Variants in ADAP1 observed in about 807,000 individuals in gnomAD.
The protein encoded by ADAP1 is arf-GAP with dual PH domain-containing protein 1.
In ADAP1, 31 loss-of-function variants were observed where a neutral mutation model predicts 54.9. The observed-to-expected ratio is 0.56, with a 90% confidence interval of 0.42 to 0.76. The LOEUF is 0.76. ADAP1 is among the 30% of genes least tolerant of loss of function. The probability of loss-of-function intolerance (pLI) is 0.00; values close to 1 mark genes in which losing one functional copy is unlikely to be tolerated. For synonymous variants in ADAP1, 313 were observed against 202.6 expected, an observed-to-expected ratio of 1.55 and a Z score of -4.63; for missense variants, 535 against 512.4, an observed-to-expected ratio of 1.04 and a Z score of -0.42.
chr7:898,326 G>GC lies in ADAP1; in HGVS notation c.*594dup. 1 of 165,910 alleles carries GC rather than the reference G, an allele frequency of 6.0e-6. No homozygotes were observed. The highest frequency in any genetic ancestry group is 1.3e-5 in the Non-Finnish European group (1 of 75,602). The allele number at this position is 165,910 out of a possible 1,614,324, so 10.3% of individuals were successfully genotyped here. On this transcript the variant is annotated 3_prime_UTR_variant, in exon 11 of 11. Coordinates refer to ENST00000265846, the MANE Select transcript of ADAP1 (RefSeq NM_006869.4). ...CGTGTGGTGGGACGGCAGCCTGCTGGCCCCTCCAGGTGAGGACCAGGAGCA... is the reference window on the plus strand; with the variant it reads ...CGTGTGGTGGGACGGCAGCCTGCTGGCCCCCTCCAGGTGAGGACCAGGAGCA...
chr7:913,192 CCCTT>C (rs1468584106), intron 4 of ADAP1, among the ~76,000 whole-genome samples: 4 of 140,004 alleles, frequency 2.9e-5, no homozygotes, highest in South Asian at 2.2e-4. Context: ...TGGCCTCCTC[CCCTT>C]CCTTTTTTTT....
In ADAP1 at chr7:915,839, C is replaced by T. The variant is rs548639560; in HGVS notation, c.388+4129G>A. ...CTGCCGACGAGACGCTGTCTGCCAC[C>T]CGCCTGCAGAACCCAGAACCCGCGC... is the stretch of plus-strand genomic sequence containing the variant. On this transcript the variant is annotated intron_variant, in intron 4 of 10. Coordinates refer to ENST00000265846, the MANE Select transcript of ADAP1 (RefSeq NM_006869.4). Among the ~76,000 whole-genome samples the T allele has an allele frequency of 5.7e-3, 868 of 152,182 alleles. 6 individuals are homozygous for T. Among genetic ancestry groups the T allele is most frequent in the Middle Eastern group, 0.044 (13 of 294 alleles).
rs1313246974 is a variant in ADAP1 at position 920,402 on chromosome 7, C to T, written c.306-352G>A. Among the ~76,000 whole-genome samples, 2 of 151,968 alleles carry T rather than the reference C, an allele frequency of 1.3e-5. No homozygotes were observed. The highest frequency in any genetic ancestry group is 1.9e-4 in the East Asian group (1 of 5,152). ...CTGGGGTACAGGGGTTGAGCCAGGC[C>T]CCCCCACCCCGAGTCACACGCCCCT... On this transcript the variant is annotated intron_variant, in intron 3 of 10. Coordinates refer to ENST00000265846, the MANE Select transcript of ADAP1 (RefSeq NM_006869.4). The surrounding 1 kb of genome is among the most constrained non-coding windows in gnomAD (Gnocchi z 4.5).
At position 910,268 on chromosome 7, in the gene ADAP1, G is replaced by A. The variant is rs1315196154; in HGVS notation, c.389-5096C>T. 2.0e-5 allele frequency among the ~76,000 whole-genome samples: 3 copies of A among 151,732 alleles called. 1 individual carries two copies. The highest frequency in any genetic ancestry group is 1.9e-4 in the East Asian group (1 of 5,170). On this transcript the variant is annotated intron_variant, in intron 4 of 10. Coordinates refer to ENST00000265846, the MANE Select transcript of ADAP1 (RefSeq NM_006869.4). ...ACATAAAGCCCACACCCGTTTACGA[G>A]GCTTTTTTTTTTTTTTCCCCACCCA...
Position 899,172 on chromosome 7 carries a change from G to A in ADAP1, c.957C>T (p.His319=). 1 of 1,612,038 alleles carries A rather than the reference G, an allele frequency of 6.2e-7. No homozygotes were observed. Among genetic ancestry groups the A allele is most frequent in the Non-Finnish European group, 8.5e-7 (1 of 1,179,974 alleles). ...CGATGGTGATGCCATGTGGCCAGTGGTGGCCCTGGGTGGACGGCGGGAACC... is the reference window on the plus strand; with the variant it reads ...CGATGGTGATGCCATGTGGCCAGTGATGGCCCTGGGTGGACGGCGGGAACC... The part of the protein sequence containing the change: ...LHGFPPSTQG[H]HWPHGITIVT... Residue 319 remains histidine (H), a synonymous_variant, in exon 10 of 11, where the codon CAC becomes CAT. Coordinates refer to ENST00000265846, the MANE Select transcript of ADAP1 (RefSeq NM_006869.4).
At chr7:921,855 G>C (rs895595919) in intron 3 of ADAP1, among the ~76,000 whole-genome samples, 1 of 152,198 alleles carries the variant, frequency 6.6e-6, no homozygotes, top group African/African-American at 2.4e-5. Context: ...TGCCAGGGAC[G>C]GCTTTGACAA....
chr7:900,883 A>AGGGCC (rs768360845), intron 6 of ADAP1: 6,450 of 393,372 alleles, frequency 0.016, 65 homozygotes, highest in East Asian at 0.074. Context: ...GAAGGGCCGA[A>AGGGCC]GGGCCGGGCC....
intron 2 of ADAP1, chr7:927,230 G>C: frequency 1.6e-6 from 2 of 1,267,808 alleles, no homozygotes; most frequent in Non-Finnish European, 2.1e-6. Flanking sequence ...CGCCGTGAAG[G>C]AGGGGAGGTG....
rs1456926809 is a variant in ADAP1 at position 926,611 on chromosome 7, C to T, written c.247G>A (p.Ala83Thr). The change falls in exon 3 of 11, where the codon GCC becomes ACC. Residue 83 changes from alanine (A) to threonine (T), a missense_variant. Physicochemically the swap from Ala to Thr is moderately conservative, Grantham distance 58. Coordinates refer to ENST00000265846, the MANE Select transcript of ADAP1 (RefSeq NM_006869.4). This position sits in a 1 kb window ranked among gnomAD's most constrained non-coding sequence, Gnocchi z 4.6. Reference sequence around the variant, plus strand: ...GAGGGTACTTTGGACTCAAACCTGGCTCTCGCGGCGTCGTTCCCGTGGGAG... The same window carrying T: ...GAGGGTACTTTGGACTCAAACCTGGTTCTCGCGGCGTCGTTCCCGTGGGAG... ...MASHGNDAAR[A>T]RFESKVPSFY... 2.6e-6 allele frequency: 4 copies of T among 1,545,716 alleles called. No individual in the cohort carries two copies. The highest frequency in any genetic ancestry group is 2.6e-6 in the Non-Finnish European group (3 of 1,145,388).
chr7:943,332 G>C (rs867726636), intron 1 of ADAP1, among the ~76,000 whole-genome samples: 20 of 13,888 alleles, frequency 1.4e-3, no homozygotes, highest in Non-Finnish European at 9.0e-4. Flanking sequence ...AAGGGAGAGA[G>C]GAGGAGGAAG....
chr7:905,013 A>G, intron 5 of ADAP1, 47 bp downstream of exon 5: 1 of 1,553,212 alleles, frequency 6.4e-7, no homozygotes, highest in Non-Finnish European at 8.8e-7. Context: ...GGAGGCCGGG[A>G]TGCCGCCCTG....
At chr7:953,175 C>G (rs1364373074) in intron 1 of ADAP1, among the ~76,000 whole-genome samples, 2 of 152,204 alleles carry the variant, frequency 1.3e-5, no homozygotes, top group African/African-American at 4.8e-5. Flanking sequence ...TGGGGTGAGC[C>G]AGCCCAGGGG....
At chr7:913,176 G>A (rs899346118) in intron 4 of ADAP1, among the ~76,000 whole-genome samples, 8 of 150,314 alleles carry the variant, frequency 5.3e-5, no homozygotes, top group African/African-American at 2.0e-4. Flanking sequence ...CGTGTGCAAA[G>A]GCTGCTGGCC....
intron 4 of ADAP1, among the ~76,000 whole-genome samples, chr7:914,648 G>C (rs1277430183): frequency 6.6e-6 from 1 of 152,138 alleles, no homozygotes; most frequent in African/African-American, 2.4e-5. Flanking sequence ...TCCAGCAAAG[G>C]GCAGAACCTA....
rs1562913143 is a variant in ADAP1 at position 905,880 on chromosome 7, A to AGAAGGGAGAAGGGAGAAG, written c.389-709_389-708insCTTCTCCCTTCTCCCTTC. 5.2e-3 allele frequency among the ~76,000 whole-genome samples: 126 copies of AGAAGGGAGAAGGGAGAAG among 24,318 alleles called. 2 individuals carry two copies. Among genetic ancestry groups the AGAAGGGAGAAGGGAGAAG allele is most frequent in the Admixed American group, 9.0e-3 (24 of 2,652 alleles). The allele number at this position is 24,318 out of a possible 152,430, so 16.0% of individuals were successfully genotyped here. A position where few individuals can be genotyped will look rare whatever the true frequency, so the allele number is the denominator to read the frequency against. ...AGAAGGGAGAAGGGAGAAGGGAGAA[A>AGAAGGGAGAAGGGAGAAG]GGAGAAAGGAGAAAGGAGAAAGGAG... On this transcript the variant is annotated intron_variant, in intron 4 of 10. Coordinates refer to ENST00000265846, the MANE Select transcript of ADAP1 (RefSeq NM_006869.4).
chr7:932,881 T>C (rs2128108137), intron 2 of ADAP1, among the ~76,000 whole-genome samples: 1 of 152,078 alleles, frequency 6.6e-6, no homozygotes, highest in East Asian at 1.9e-4. Flanking sequence ...TGATTTGGGG[T>C]CGCCCTGGGT....
Position 938,977 on chromosome 7 carries a change from G to A in ADAP1, c.83-3472C>T, listed in dbSNP as rs1846860838. On this transcript the variant is annotated intron_variant, in intron 1 of 10. Coordinates refer to ENST00000265846, the MANE Select transcript of ADAP1 (RefSeq NM_006869.4). The surrounding 1 kb of genome is among the most constrained non-coding windows in gnomAD (Gnocchi z 4.4). ...TCACTCGGGTGCTCCGGGACAGGCT[G>A]TCCCTCTCCTGGCCTGGAAGGAGGC... Among the ~76,000 whole-genome samples, 1 of 152,190 alleles carries A rather than the reference G, an allele frequency of 6.6e-6. No individual in the cohort carries two copies. Among genetic ancestry groups the A allele is most frequent in the African/African-American group, 2.4e-5 (1 of 41,446 alleles).
At chr7:904,344 C>G (rs1464190419) in intron 5 of ADAP1, 72 bp from the exon 6 acceptor site, 4 of 1,507,058 alleles carry the variant, frequency 2.7e-6, no homozygotes, top group Non-Finnish European at 3.5e-6. Flanking sequence ...AAGGGCAGAC[C>G]CTGTGGGTGC....
rs542357156 is a variant in ADAP1 at position 918,554 on chromosome 7, G to A, written c.388+1414C>T. ...AGCCTCTCTCTTACACAAGGGCAGT[G>A]GGGGCAGTGCTGGGGTTGCAGGTCC... On this transcript the variant is annotated intron_variant, in intron 4 of 10. Coordinates refer to ENST00000265846, the MANE Select transcript of ADAP1 (RefSeq NM_006869.4). Among the ~76,000 whole-genome samples, 4 of 152,166 alleles carry A rather than the reference G, an allele frequency of 2.6e-5. No individual in the cohort carries two copies. The East Asian group carries it at 5.8e-4, about 22-fold the overall frequency.
Sources: gnomAD v4.1 joint callset for allele counts (sites outside exome capture counted in the v4.1 genomes callset) on GRCh38, gnomAD v4.1.1 for gene constraint, Gnocchi (gnomAD v3.1) non-coding constraint, MANE v1.5 for transcripts, NCBI Gene and HGNC (gene_info 2026-07-23, HGNC 2026-07-21) for gene names.